The following SERPINA3 variants were observed in gnomAD, a reference collection of about 807,000 sequenced individuals.
The protein encoded by SERPINA3 is serpin family A member 3, also known as alpha-1-antichymotrypsin.
In SERPINA3, 32 loss-of-function variants were observed where a neutral mutation model predicts 26.8. That is an observed-to-expected ratio of 1.20 (90% CI 0.90 to 1.61). The LOEUF (loss-of-function observed/expected upper bound fraction) is 1.61. SERPINA3 is among the 40% of genes most tolerant of loss of function. The probability of loss-of-function intolerance (pLI) is 0.00; values close to 1 mark genes in which losing one functional copy is unlikely to be tolerated. For missense variants in SERPINA3, 632 were observed against 517.9 expected (o/e 1.22, Z -2.14); for synonymous variants, 252 against 206.4 (o/e 1.22, Z -1.89).
At chr14:94,619,078 A>G in intron 2 of SERPINA3, 117 bp from the exon 3 acceptor site, 1 of 1,212,922 alleles carries the variant, frequency 8.2e-7, no homozygotes, top group Non-Finnish European at 1.2e-6. Flanking sequence ...TACTTCTCTA[A>G]ACCAAAGCAG....
In SERPINA3 at chr14:94,612,460, G is replaced by A; in HGVS notation, c.-9+13G>A. On this transcript the variant is annotated intron_variant, in intron 1 of 4. Transcript: ENST00000393078. ...CTCCCTGAGGCAGGTAATCCATGAT[G>A]TTTTACATCCTGGGAGCGGAGGAAT... The A allele has an allele frequency of 1.5e-6, 2 of 1,354,162 alleles. No homozygotes were observed. The highest frequency in any genetic ancestry group is 2.0e-6 in the Non-Finnish European group (2 of 1,011,760). The allele number at this position is 1,354,162 out of a possible 1,614,324, so 83.9% of individuals were successfully genotyped here. A position where few individuals can be genotyped will look rare whatever the true frequency, so the allele number is the denominator to read the frequency against.
At position 94,615,024 on chromosome 14, in the gene SERPINA3, C is replaced by G. The variant is rs1308194683; in HGVS notation, c.583C>G (p.Leu195Val). 1 of 1,614,210 alleles carries G rather than the reference C, an allele frequency of 6.2e-7. No homozygotes were observed. Among genetic ancestry groups the G allele is most frequent in the Non-Finnish European group, 8.5e-7 (1 of 1,180,042 alleles). ...TGGAACTAGGGGGAAAATCACAGAT[C>G]TGATCAAGGACCTTGACTCGCAGAC... Reference protein sequence around the residue: ...KNGTRGKITDLIKDLDSQTMM... With the variant: ...KNGTRGKITDVIKDLDSQTMM... Residue 195 changes from leucine to valine, a missense_variant, in exon 2 of 5, where the codon CTG becomes GTG. Physicochemically the swap from Leu to Val is conservative, Grantham distance 32. Coordinates refer to ENST00000393078, the MANE Select transcript of SERPINA3 (RefSeq NM_001085.5).
chr14:94,621,916 T>C (rs991301692), intron 3 of SERPINA3, among the ~76,000 whole-genome samples: 7 of 152,178 alleles, frequency 4.6e-5, no homozygotes, highest in Admixed American at 1.3e-4. Flanking sequence ...TTTCCTGCCT[T>C]TGGGACTCAG....
chr14:94,623,913 C>A lies in SERPINA3; in HGVS notation c.*99C>A. Reference sequence around the variant, plus strand: ...AGCCTGGCCCCTGTGCACCGAGTGGCCATGGCATGTGTGGCCCTGTCTGCT... The same window carrying A: ...AGCCTGGCCCCTGTGCACCGAGTGGACATGGCATGTGTGGCCCTGTCTGCT... On this transcript the variant is annotated 3_prime_UTR_variant, in exon 5 of 5. Transcript: ENST00000393078. 1 of 1,054,004 alleles carries A rather than the reference C, an allele frequency of 9.5e-7. No individual in the cohort carries two copies. Among genetic ancestry groups the A allele is most frequent in the Non-Finnish European group, 1.5e-6 (1 of 680,582 alleles). The allele number at this position is 1,054,004 out of a possible 1,614,324, so 65.3% of individuals were successfully genotyped here.
chr14:94,622,565 G>T, intron 4 of SERPINA3, 74 bp downstream of exon 4: 1 of 1,544,756 alleles, frequency 6.5e-7, no homozygotes, highest in Non-Finnish European at 8.9e-7. Context: ...TGGACTTTTG[G>T]GTACTCTTGA....
chr14:94,616,753 G>A (rs1029062261), intron 2 of SERPINA3, among the ~76,000 whole-genome samples: 10 of 152,104 alleles, frequency 6.6e-5, no homozygotes, highest in African/African-American at 1.7e-4. Flanking sequence ...AATAAGAAGC[G>A]AAGGCCGTTA....
Position 94,622,403 on chromosome 14 carries a change from T to G in SERPINA3, c.980T>G (p.Ile327Arg). The stretch of plus-strand genomic sequence containing the variant: ...TCGAGGGACTATAACCTGAACGACA[T>G]ACTTCTCCAGCTGGGCATTGAGGAA... Reference protein sequence around the residue: ...SISRDYNLNDILLQLGIEEAF... With the variant: ...SISRDYNLNDRLLQLGIEEAF... The change falls in exon 4 of 5, where the codon ATA becomes AGA. Residue 327 changes from isoleucine (I) to arginine (R), a missense_variant. Ile to Arg is a moderately conservative substitution (Grantham distance 97, BLOSUM62 -3). Coordinates refer to ENST00000393078, the MANE Select transcript of SERPINA3 (RefSeq NM_001085.5). 6.2e-7 allele frequency: 1 copy of G among 1,614,022 alleles called. No individual in the cohort carries two copies. Among genetic ancestry groups the G allele is most frequent in the Non-Finnish European group, 8.5e-7 (1 of 1,180,002 alleles).
At chr14:94,618,781 TG>T in intron 2 of SERPINA3, 1 of 303,192 alleles carries the variant, frequency 3.3e-6, no homozygotes, top group Non-Finnish European at 6.4e-6. Flanking sequence ...CACTGTTATA[TG>T]TTCACATCCC....
intron 3 of SERPINA3, among the ~76,000 whole-genome samples, chr14:94,620,655 G>A (rs975582888): frequency 2.0e-5 from 3 of 152,222 alleles, no homozygotes; most frequent in African/African-American, 7.2e-5. Flanking sequence ...CAGACATGAG[G>A]TGGGAGCCCA....
At chr14:94,619,814 G>A in intron 3 of SERPINA3, 1 of 388,166 alleles carries the variant, frequency 2.6e-6, no homozygotes, top group Non-Finnish European at 4.8e-6. Context: ...GAGGGCTGCA[G>A]TGAGATGGAC....
chr14:94,614,750 C>A lies in SERPINA3; in HGVS notation c.309C>A (p.Leu103=). The A allele has an allele frequency of 6.2e-7, 1 of 1,614,178 alleles. No homozygotes were observed. Among genetic ancestry groups the A allele is most frequent in the Non-Finnish European group, 8.5e-7 (1 of 1,180,030 alleles). ...CCCTGACAGAGATTCTCAAAGGCCT[C>A]AAGTTCAACCTCACGGAGACTTCTG... ...NTTLTEILKG[L]KFNLTETSEA... The change falls in exon 2 of 5, where the codon CTC becomes CTA. Residue 103 remains leucine (L), a synonymous_variant. Transcript: ENST00000393078.
At position 94,619,219 on chromosome 14, in the gene SERPINA3, C is replaced by G; in HGVS notation, c.668C>G (p.Pro223Arg). The G allele has an allele frequency of 6.2e-7, 1 of 1,614,116 alleles. No individual in the cohort carries two copies. Among genetic ancestry groups the G allele is most frequent in the Non-Finnish European group, 8.5e-7 (1 of 1,180,006 alleles). ...FKAKWEMPFD[P>R]QDTHQSRFYL... ...GCCAAATGGGAGATGCCCTTTGACC[C>G]CCAAGATACTCATCAGTCAAGGTTC... is the stretch of plus-strand genomic sequence containing the variant. Residue 223 changes from proline (P) to arginine (R), a missense_variant, in exon 3 of 5, where the codon CCC becomes CGC. Transcript: ENST00000393078.
Position 94,614,600 on chromosome 14 carries a change from C to T in SERPINA3, c.159C>T (p.Asn53=), listed in dbSNP as rs749460164. 13 of 1,614,024 alleles carry T rather than the reference C, an allele frequency of 8.1e-6. No individual in the cohort carries two copies. The highest frequency in any genetic ancestry group is 1.6e-4 in the Middle Eastern group (1 of 6,084). Residue 53 remains asparagine (N), a synonymous_variant, in exon 2 of 5, where the codon AAC becomes AAT. Coordinates refer to ENST00000393078, the MANE Select transcript of SERPINA3 (RefSeq NM_001085.5). The stretch of plus-strand genomic sequence containing the variant: ...TGGACCTCGGATTAGCCTCCGCCAA[C>T]GTGGACTTCGCTTTCAGCCTGTACA... ...THVDLGLASA[N]VDFAFSLYKQ...
At chr14:94,614,256 G>A (rs1885892024) in intron 1 of SERPINA3, 178 bp from the exon 2 acceptor site, 1 of 632,254 alleles carries the variant, frequency 1.6e-6, no homozygotes. Flanking sequence ...ACCTCAAAGG[G>A]TGAAATGAAG....
chr14:94,612,567 T>C (rs533616052), intron 1 of SERPINA3, 120 bp downstream of exon 1: 26 of 518,124 alleles, frequency 5.0e-5, no homozygotes, highest in Non-Finnish European at 8.5e-5. Flanking sequence ...GGAGGTGTAC[T>C]CAGGTGTTAG....
rs1886300302 is a variant in SERPINA3, at chr14:94,623,895, C to A, written c.*81C>A. 1 of 1,226,732 alleles carries A rather than the reference C, an allele frequency of 8.2e-7. No individual in the cohort carries two copies. The highest frequency in any genetic ancestry group is 1.2e-6 in the Non-Finnish European group (1 of 835,946). The allele number at this position is 1,226,732 out of a possible 1,614,324, so 76.0% of individuals were successfully genotyped here. A position where few individuals can be genotyped will look rare whatever the true frequency, so the allele number is the denominator to read the frequency against. On this transcript the variant is annotated 3_prime_UTR_variant, in exon 5 of 5. Transcript: ENST00000393078. ...GCCTGGGTCTCTGGGCACAGCCTGG[C>A]CCCTGTGCACCGAGTGGCCATGGCA... is the stretch of plus-strand genomic sequence containing the variant.
At chr14:94,620,037 G>A (rs569230637) in intron 3 of SERPINA3, 23 of 249,262 alleles carry the variant, frequency 9.2e-5, no homozygotes, top group Non-Finnish European at 1.2e-4. Context: ...AATAAGTTAC[G>A]TGATATATTA....
chr14:94,619,659 C>T, intron 3 of SERPINA3, 191 bp downstream of exon 3: 2 of 676,562 alleles, frequency 3.0e-6, no homozygotes, highest in East Asian at 2.7e-5. Context: ...TGACATCAGA[C>T]AGGACAAGGG....
chr14:94,613,690 C>A lies in SERPINA3; in HGVS notation c.-8-744C>A, dbSNP rs79783373. On this transcript the variant is annotated intron_variant, in intron 1 of 4. Transcript: ENST00000393078. ...TCCAAAGCCCTCTCTGCCTTCTCCC[C>A]ACTAAGAGGCCCTTCCAGGCTTATG... 1,048 of 152,426 alleles carry A rather than the reference C, an allele frequency of 6.9e-3. 9 individuals are homozygous for A. The highest frequency in any genetic ancestry group is 0.024 in the Middle Eastern group (7 of 294). The allele number at this position is 152,426 out of a possible 1,614,324, so 9.4% of individuals were successfully genotyped here. A position where few individuals can be genotyped will look rare whatever the true frequency, so the allele number is the denominator to read the frequency against.
Sources: allele counts gnomAD v4.1 joint callset (sites outside exome capture counted in the v4.1 genomes callset), GRCh38; gene constraint gnomAD v4.1.1; transcripts MANE v1.5; gene names NCBI Gene and HGNC (gene_info 2026-07-23, HGNC 2026-07-21).